The following RERE variants were observed in gnomAD, a reference collection of about 807,000 sequenced individuals.
RERE encodes the protein arginine-glutamic acid dipeptide repeats.
In RERE, 40 loss-of-function variants were observed where a neutral mutation model predicts 146.1. That is an observed-to-expected ratio of 0.27 (90% CI 0.21 to 0.36). The LOEUF (loss-of-function observed/expected upper bound fraction) is 0.36, where lower values mean the gene tolerates loss of function less well. Among genes scored for constraint, RERE ranks in the 10% least tolerant of loss-of-function variants. The pLI is 1.00. For synonymous variants in RERE, 1,003 were observed against 866.0 expected (o/e 1.16, Z -2.78); for missense variants, 1,933 against 2,138.7 (o/e 0.90, Z 1.90).
intron 12 of RERE, among the ~76,000 whole-genome samples, chr1:8,388,095 T>A (rs1187074708): frequency 6.6e-6 from 1 of 152,130 alleles, no homozygotes; most frequent in African/African-American, 2.4e-5. Context: ...CCTCTCGGGA[T>A]AAAGGGGAAT....
intron 10 of RERE, among the ~76,000 whole-genome samples, chr1:8,466,733 T>A (rs936399970): frequency 5.3e-5 from 8 of 152,236 alleles, no homozygotes; most frequent in Non-Finnish European, 1.0e-4. Context: ...TGCAGGTTTA[T>A]CTACATATTC....
At chr1:8,394,942 T>G (rs1193154416) in intron 12 of RERE, among the ~76,000 whole-genome samples, 1 of 152,116 alleles carries the variant, frequency 6.6e-6, no homozygotes, top group Non-Finnish European at 1.5e-5. Context: ...AAAATGTCTT[T>G]CCCATAGAAA....
intron 1 of RERE, among the ~76,000 whole-genome samples, chr1:8,745,285 C>T (rs1004582342): frequency 3.9e-5 from 6 of 152,094 alleles, no homozygotes; most frequent in Non-Finnish European, 2.9e-5. Context: ...GCCTGCTTTG[C>T]CTTTTGCCAT....
chr1:8,683,565 C>T (rs1301547677), intron 1 of RERE, among the ~76,000 whole-genome samples: 1 of 151,880 alleles, frequency 6.6e-6, no homozygotes, highest in Non-Finnish European at 1.5e-5. Flanking sequence ...TAACAGAATA[C>T]CAATAAAGGT....
chr1:8,483,826 T>C (rs1644865390), intron 10 of RERE, among the ~76,000 whole-genome samples: 1 of 152,196 alleles, frequency 6.6e-6, no homozygotes, highest in African/African-American at 2.4e-5. Flanking sequence ...CTCTCTTGAA[T>C]ACATAAAGAG....
chr1:8,692,351 T>TC (rs1195197608), intron 1 of RERE, among the ~76,000 whole-genome samples: 4 of 150,208 alleles, frequency 2.7e-5, no homozygotes. Flanking sequence ...ATACTTTTTT[T>TC]TTTTCTTTTT....
At chr1:8,730,953 C>T (rs1053135813) in intron 1 of RERE, among the ~76,000 whole-genome samples, 3 of 152,112 alleles carry the variant, frequency 2.0e-5, no homozygotes, top group Non-Finnish European at 4.4e-5. Context: ...AGCAAGAAAA[C>T]AGCTAAACAA....
chr1:8,786,254 A>AC lies in RERE; in HGVS notation c.-145+30905dup. 3 of 984,608 alleles carry AC rather than the reference A, an allele frequency of 3.0e-6. No individual in the cohort carries two copies. The South Asian group carries it at 3.8e-5, about 12-fold the overall frequency. The allele number at this position is 984,608 out of a possible 1,614,324, so 61.0% of individuals were successfully genotyped here. A position where few individuals can be genotyped will look rare whatever the true frequency, so the allele number is the denominator to read the frequency against. ...GGTCCTCCCTGTTGCCAGCATCTCC[A>AC]CCTTCTACAAAATGGGTGGTTTTTC... On this transcript the variant is annotated intron_variant, in intron 1 of 22. Transcript: ENST00000400908.
At chr1:8,679,485 T>C (rs558422060) in intron 1 of RERE, among the ~76,000 whole-genome samples, 1 of 152,260 alleles carries the variant, frequency 6.6e-6, no homozygotes, top group African/African-American at 2.4e-5. Flanking sequence ...CCTTTATAAA[T>C]TCCCCTCTCC....
chr1:8,499,137 G>A (rs1004379745), intron 8 of RERE, among the ~76,000 whole-genome samples: 2 of 152,142 alleles, frequency 1.3e-5, no homozygotes, highest in African/African-American at 4.8e-5. Flanking sequence ...TCAGATATTT[G>A]CAAGATACTC....
chr1:8,380,925 C>T (rs1642425643), intron 12 of RERE: 1 of 456,616 alleles, frequency 2.2e-6, no homozygotes, highest in African/African-American at 2.0e-5. Flanking sequence ...GCCTCCATCT[C>T]CTACCACGTT....
chr1:8,555,501 T>C (rs930345199), intron 6 of RERE, among the ~76,000 whole-genome samples: 1 of 152,226 alleles, frequency 6.6e-6, no homozygotes, highest in Non-Finnish European at 1.5e-5. Flanking sequence ...GTGGTTTTCC[T>C]GAATACCATC....
chr1:8,731,987 T>C (rs1035119194), intron 1 of RERE, among the ~76,000 whole-genome samples: 1 of 152,106 alleles, frequency 6.6e-6, no homozygotes, highest in African/African-American at 2.4e-5. Flanking sequence ...GTATTTTTAG[T>C]AGAGACGGGG....
At chr1:8,734,280 G>A (rs1640150555) in intron 1 of RERE, among the ~76,000 whole-genome samples, 1 of 152,110 alleles carries the variant, frequency 6.6e-6, no homozygotes. Flanking sequence ...TATTAATAAT[G>A]AATTATATCA....
chr1:8,717,924 G>C (rs1404988291), intron 1 of RERE, among the ~76,000 whole-genome samples: 5 of 152,184 alleles, frequency 3.3e-5, no homozygotes, highest in African/African-American at 1.2e-4. Context: ...TAGGGGGAAA[G>C]GGCTTGGAGC....
chr1:8,635,422 T>A (rs1481531798), intron 2 of RERE, among the ~76,000 whole-genome samples: 2 of 152,350 alleles, frequency 1.3e-5, no homozygotes, highest in East Asian at 3.9e-4. Context: ...TGCTTCTTGA[T>A]TCCTAAAATG....
Position 8,656,293 on chromosome 1 carries a change from G to A in RERE, c.5C>T (p.Thr2Ile), listed in dbSNP as rs1287083200. 3.7e-6 allele frequency: 6 copies of A among 1,612,502 alleles called. No homozygotes were observed. Among genetic ancestry groups the A allele is most frequent in the Non-Finnish European group, 4.2e-6 (5 of 1,179,212 alleles). ...GTCTTTGTCTTTGTCTTTGTCCGCT[G>A]TCATGATTCGCCACGTGCCTTCTTC... M[T>I]ADKDKDKDKE... Residue 2 changes from threonine to isoleucine, a missense_variant, in exon 2 of 23, where the codon ACA (threonine) becomes ATA (isoleucine). Around this residue, in one of 11 missense-constraint regions of RERE, gnomAD observed 107 missense variants for 119.7 expected, o/e 0.89. Transcript: ENST00000400908.
At chr1:8,749,459 T>C (rs1640487270) in intron 1 of RERE, among the ~76,000 whole-genome samples, 1 of 147,336 alleles carries the variant, frequency 6.8e-6, no homozygotes, top group Admixed American at 6.7e-5. Context: ...TGATGTAGAG[T>C]AATGCGCTAC....
In RERE at chr1:8,508,651, C is replaced by T; in HGVS notation, c.855G>A (p.Glu285=). ...CCTGATGACTAGGACCGACACGAATCTCCCCCTGGGTACTGTTCAGCCTCC... is the reference window on the plus strand; with the variant it reads ...CCTGATGACTAGGACCGACACGAATTTCCCCCTGGGTACTGTTCAGCCTCC... ...ETRRLNSTQG[E]IRVGPSHQAK... Residue 285 remains glutamate, a synonymous_variant, in exon 8 of 23, where the codon GAG becomes GAA. Transcript: ENST00000400908. The T allele has an allele frequency of 1.9e-6, 3 of 1,613,578 alleles. No individual in the cohort carries two copies. The highest frequency in any genetic ancestry group is 2.5e-6 in the Non-Finnish European group (3 of 1,179,496).
Sources: allele counts gnomAD v4.1 joint callset (sites outside exome capture counted in the v4.1 genomes callset), GRCh38; gene constraint gnomAD v4.1.1; regional missense constraint gnomAD v4.1.1; transcripts MANE v1.5; gene names NCBI Gene and HGNC (gene_info 2026-07-23, HGNC 2026-07-21).